Variants in PTPRG observed in about 807,000 individuals in gnomAD.
The protein encoded by PTPRG is protein tyrosine phosphatase receptor type G.
PTPRG carries 102 observed loss-of-function variants against 165.3 expected under a neutral mutation model. The observed-to-expected ratio is 0.62, with a 90% CI of 0.53 to 0.73. PTPRG has a LOEUF of 0.73. Ranked by LOEUF, PTPRG falls within the 30% of genes least tolerant of loss-of-function variation. The pLI is 0.00. For synonymous variants in PTPRG, 675 were observed against 669.5 expected (o/e 1.01, Z -0.13); for missense variants, 1,866 against 1,861.4 (o/e 1.00, Z -0.05).
intron 1 of PTPRG, among the ~76,000 whole-genome samples, chr3:61,649,398 T>C (rs1470152701): frequency 6.6e-6 from 1 of 152,156 alleles, no homozygotes; most frequent in Non-Finnish European, 1.5e-5. Flanking sequence ...TGCCAGCAGG[T>C]TCAGCTGTCT....
intron 1 of PTPRG, among the ~76,000 whole-genome samples, chr3:61,607,457 C>A (rs1701043424): frequency 5.2e-5 from 2 of 38,338 alleles, no homozygotes; most frequent in Admixed American, 7.5e-4. Context: ...TCAAACACTA[C>A]TGTCAGTCTG....
At chr3:62,282,559 A>AC (rs1044270330) in intron 27 of PTPRG, among the ~76,000 whole-genome samples, 168 bp from the exon 28 acceptor site, 7 of 151,650 alleles carry the variant, frequency 4.6e-5, no homozygotes, top group East Asian at 1.9e-4. Context: ...AAAAACAAAA[A>AC]AAAAAAACCT....
At chr3:62,156,416 C>T (rs931021278) in intron 6 of PTPRG, among the ~76,000 whole-genome samples, 2 of 152,204 alleles carry the variant, frequency 1.3e-5, no homozygotes, top group Admixed American at 6.6e-5. Flanking sequence ...ATCATTTCTT[C>T]TGTTTAAGGG....
intron 1 of PTPRG, among the ~76,000 whole-genome samples, chr3:61,633,693 A>C (rs1301925186): frequency 2.6e-5 from 4 of 152,040 alleles, no homozygotes; most frequent in Non-Finnish European, 5.9e-5. Flanking sequence ...TTTCTTGCCT[A>C]ATTGCTCTGG....
intron 1 of PTPRG, among the ~76,000 whole-genome samples, chr3:61,619,446 T>C (rs546964267): frequency 2.6e-5 from 4 of 152,290 alleles, no homozygotes; most frequent in South Asian, 4.2e-4. Flanking sequence ...AGGATGGTGC[T>C]ACTGGCATTT....
chr3:62,016,883 C>A (rs1048688968), intron 4 of PTPRG, among the ~76,000 whole-genome samples: 1 of 152,166 alleles, frequency 6.6e-6, no homozygotes, highest in African/African-American at 2.4e-5. Context: ...TTTCCTAAGC[C>A]GTCTTATCAT....
At position 61,770,310 on chromosome 3, in the gene PTPRG, C is replaced by T. The variant is rs2034170334; in HGVS notation, c.190+21328C>T. On this transcript the variant is annotated intron_variant, in intron 2 of 29. Coordinates refer to ENST00000474889, the MANE Select transcript of PTPRG (RefSeq NM_002841.4). ...ATGAATGATTGGGTTCATTTTTAGA[C>T]ACTGGCTACCTTAACAGGATGATAG... 4 of 152,150 alleles carry T rather than the reference C, an allele frequency of 2.6e-5. 1 individual carries two copies. In the South Asian group the frequency reaches 8.3e-4, roughly 32 times the overall value. 9.4% of individuals were successfully genotyped at this position (152,150 alleles called of 1,614,324 possible). A position where few individuals can be genotyped will look rare whatever the true frequency, so the allele number is the denominator to read the frequency against.
intron 1 of PTPRG, among the ~76,000 whole-genome samples, chr3:61,638,007 T>C (rs1701961914): frequency 6.6e-6 from 1 of 152,214 alleles, no homozygotes; most frequent in African/African-American, 2.4e-5. Context: ...TGACTCACTT[T>C]TGGAATTTTA....
intron 2 of PTPRG, among the ~76,000 whole-genome samples, chr3:61,829,196 T>A (rs2036198617): frequency 6.6e-6 from 1 of 152,240 alleles, no homozygotes; most frequent in Admixed American, 6.5e-5. Context: ...CTCTGTGGTG[T>A]CCCACATAAA....
chr3:61,690,249 C>G (rs943569799), intron 1 of PTPRG, among the ~76,000 whole-genome samples: 2 of 152,184 alleles, frequency 1.3e-5, no homozygotes, highest in Non-Finnish European at 2.9e-5. Flanking sequence ...AATGCAGAGG[C>G]CTCCTGGTTC....
At chr3:61,727,580 C>T (rs1341035737) in intron 1 of PTPRG, among the ~76,000 whole-genome samples, 2 of 152,126 alleles carry the variant, frequency 1.3e-5, no homozygotes, top group Admixed American at 6.5e-5. Flanking sequence ...ACTGGGTATT[C>T]GTAAGTTACA....
intron 2 of PTPRG, among the ~76,000 whole-genome samples, chr3:61,901,355 G>C (rs985499725): frequency 1.3e-5 from 2 of 152,130 alleles, no homozygotes; most frequent in African/African-American, 4.8e-5. Context: ...CTCCATATTT[G>C]AGTTCTGTGA....
chr3:61,654,782 CTTTTTTTTTT>C (rs5849443), intron 1 of PTPRG, among the ~76,000 whole-genome samples: 4 of 129,430 alleles, frequency 3.1e-5, no homozygotes, highest in African/African-American at 1.2e-4. Flanking sequence ...TGTGCTTTTT[CTTTTTTTTTT>C]TTTTTTTGAG....
chr3:61,562,104 A>AT lies in PTPRG; in HGVS notation c.-180dup, dbSNP rs1286975423. Reference sequence around the variant, plus strand: ...TCTGCGTTCCCGGTCACTTTTTGAGATTTTCCGGGGGGCGCTCGGCGGCTT... The same window carrying AT: ...TCTGCGTTCCCGGTCACTTTTTGAGATTTTTCCGGGGGGCGCTCGGCGGCTT... On this transcript the variant is annotated 5_prime_UTR_variant, in exon 1 of 30. Coordinates refer to ENST00000474889, the MANE Select transcript of PTPRG (RefSeq NM_002841.4). The AT allele has an allele frequency of 1.7e-6, 1 of 573,768 alleles. No homozygotes were observed. The highest frequency in any genetic ancestry group is 3.1e-6 in the Non-Finnish European group (1 of 323,836). 35.5% of individuals were successfully genotyped at this position (573,768 alleles called of 1,614,324 possible).
intron 14 of PTPRG, among the ~76,000 whole-genome samples, chr3:62,234,382 C>A (rs1346719504): frequency 6.6e-6 from 1 of 152,132 alleles, no homozygotes; most frequent in South Asian, 2.1e-4. Context: ...AAGGTACATG[C>A]TATTGTGCAT....
At chr3:62,262,245 G>T (rs1334532141) in intron 16 of PTPRG, 1 of 152,060 alleles carries the variant, frequency 6.6e-6, no homozygotes, top group African/African-American at 2.4e-5. Context: ...CCATTAGTTG[G>T]GCTGTTATTA....
chr3:61,784,195 G>A (rs1375111864), intron 2 of PTPRG, among the ~76,000 whole-genome samples: 1 of 152,160 alleles, frequency 6.6e-6, no homozygotes, highest in East Asian at 1.9e-4. Context: ...GATGTCAGCG[G>A]GGCCACACTC....
intron 1 of PTPRG, among the ~76,000 whole-genome samples, chr3:61,682,307 T>G (rs1389548032): frequency 6.6e-6 from 1 of 152,200 alleles, no homozygotes; most frequent in Non-Finnish European, 1.5e-5. Flanking sequence ...TGTCTTTGTC[T>G]TAAGAAATTC....
chr3:61,912,694 G>A (rs183686932), intron 2 of PTPRG, among the ~76,000 whole-genome samples: 15 of 152,180 alleles, frequency 9.9e-5, no homozygotes, highest in Admixed American at 2.6e-4. Flanking sequence ...CTTGTCAATC[G>A]GGACCAAGAT....
Sources: gnomAD v4.1 joint callset for allele counts (sites outside exome capture counted in the v4.1 genomes callset) on GRCh38, gnomAD v4.1.1 for gene constraint, MANE v1.5 for transcripts, NCBI Gene and HGNC (gene_info 2026-07-23, HGNC 2026-07-21) for gene names.